Variants in KLF12 observed in about 807,000 individuals in gnomAD.
KLF12 encodes the protein KLF transcription factor 12.
In KLF12, 9 loss-of-function variants were observed where a neutral mutation model predicts 37.8. That is an observed-to-expected ratio of 0.24 (90% CI 0.14 to 0.42). The LOEUF (loss-of-function observed/expected upper bound fraction) is 0.42, where lower values mean the gene tolerates loss of function less well. KLF12 is among the 10% of genes least tolerant of loss of function. KLF12 has a pLI of 1.00. For synonymous variants in KLF12, 208 were observed against 202.1 expected (o/e 1.03, Z -0.25); for missense variants, 411 against 516.0 (o/e 0.80, Z 1.97).
At chr13:74,139,919 T>C in the KLF12 span, among the ~76,000 whole-genome samples, 1 of 152,064 alleles carries the variant, frequency 6.6e-6, no homozygotes, top group Non-Finnish European at 1.5e-5. Context: ...AATAATTTAA[T>C]TCCACTAAAG....
chr13:74,014,610 G>A (rs114713792), intron 1 of KLF12, among the ~76,000 whole-genome samples: 6,467 of 152,218 alleles, frequency 0.042, 227 homozygotes, highest in African/African-American at 0.092. Flanking sequence ...GTATTTAACA[G>A]GTATATTTAA....
intron 2 of KLF12, among the ~76,000 whole-genome samples, chr13:73,980,743 T>C (rs1891669662): frequency 6.6e-6 from 1 of 152,116 alleles, no homozygotes; most frequent in Non-Finnish European, 1.5e-5. Flanking sequence ...AATAACAAAA[T>C]GCAATTAAAA....
At chr13:74,293,389 G>A in the KLF12 span, among the ~76,000 whole-genome samples, 2 of 152,042 alleles carry the variant, frequency 1.3e-5, no homozygotes, top group African/African-American at 4.8e-5. Context: ...GGGTACAATC[G>A]AGGGACTGAA....
intron 5 of KLF12, among the ~76,000 whole-genome samples, chr13:73,771,808 A>T (rs1029344643): frequency 6.6e-6 from 1 of 152,250 alleles, no homozygotes; most frequent in African/African-American, 2.4e-5. Flanking sequence ...CAAACTGTGA[A>T]ATACCAGAGA....
chr13:73,900,973 C>T, intron 3 of KLF12, among the ~76,000 whole-genome samples: 1 of 152,260 alleles, frequency 6.6e-6, no homozygotes, highest in Non-Finnish European at 1.5e-5. Flanking sequence ...CCTTTGGAAA[C>T]CACTTCCAGG....
At chr13:73,985,402 AC>A (rs1891801961) in intron 2 of KLF12, among the ~76,000 whole-genome samples, 1 of 152,162 alleles carries the variant, frequency 6.6e-6, no homozygotes, top group East Asian at 1.9e-4. Context: ...AGGAACACCT[AC>A]CCTTCAATTT....
intron 5 of KLF12, among the ~76,000 whole-genome samples, chr13:73,790,606 G>A (rs1881629954): frequency 6.6e-6 from 1 of 152,220 alleles, no homozygotes; most frequent in Admixed American, 6.5e-5. Flanking sequence ...TCTATCTGCT[G>A]CATGCAGTGT....
intron 6 of KLF12, among the ~76,000 whole-genome samples, chr13:73,735,290 C>A (rs1023975174): frequency 5.3e-5 from 8 of 152,010 alleles, no homozygotes; most frequent in Non-Finnish European, 2.9e-5. Context: ...AGGGCAAGAC[C>A]CTGTCTCAAA....
intron 1 of KLF12, among the ~76,000 whole-genome samples, chr13:74,078,737 T>C (rs1250092306): frequency 6.6e-6 from 1 of 152,234 alleles, no homozygotes; most frequent in Non-Finnish European, 1.5e-5. Flanking sequence ...TGATTAATGA[T>C]ACCAAATAAC....
chr13:73,897,894 G>A (rs866158296), intron 3 of KLF12, among the ~76,000 whole-genome samples: 5 of 152,096 alleles, frequency 3.3e-5, no homozygotes, highest in Admixed American at 1.3e-4. Context: ...TGTGGTTTCT[G>A]TTTATTCCTC....
At chr13:73,773,011 T>C (rs1284717869) in intron 5 of KLF12, among the ~76,000 whole-genome samples, 1 of 152,086 alleles carries the variant, frequency 6.6e-6, no homozygotes, top group African/African-American at 2.4e-5. Flanking sequence ...AGGGTTCTGA[T>C]GTGGGTAATC....
At chr13:74,021,799 A>C (rs1232044585) in intron 1 of KLF12, among the ~76,000 whole-genome samples, 1 of 152,250 alleles carries the variant, frequency 6.6e-6, no homozygotes, top group Non-Finnish European at 1.5e-5. Flanking sequence ...ATTGATAAGC[A>C]AATTAAATAA....
chr13:73,940,980 T>C (rs1346930123), intron 3 of KLF12, among the ~76,000 whole-genome samples: 1 of 152,214 alleles, frequency 6.6e-6, no homozygotes, highest in Non-Finnish European at 1.5e-5. Flanking sequence ...AACAACTACA[T>C]GCCTTTCTGG....
the KLF12 span, among the ~76,000 whole-genome samples, chr13:74,174,201 T>C: frequency 6.6e-6 from 1 of 152,200 alleles, no homozygotes; most frequent in Admixed American, 6.5e-5. Flanking sequence ...GAAATGACTT[T>C]ATAAAAATTG....
upstream of KLF12, among the ~76,000 whole-genome samples, chr13:74,138,129 A>G (rs1878612441): frequency 6.6e-6 from 1 of 152,250 alleles, no homozygotes; most frequent in Non-Finnish European, 1.5e-5. Context: ...AACTCTGTTC[A>G]ATATCTGTGT....
At chr13:73,834,684 G>A (rs1437144801) in intron 4 of KLF12, among the ~76,000 whole-genome samples, 1 of 152,038 alleles carries the variant, frequency 6.6e-6, no homozygotes. Flanking sequence ...GCTAATTTTT[G>A]TATTCTTCGT....
chr13:73,902,902 C>G (rs1468518697), intron 3 of KLF12, among the ~76,000 whole-genome samples: 1 of 152,218 alleles, frequency 6.6e-6, no homozygotes, highest in Non-Finnish European at 1.5e-5. Flanking sequence ...TGTCCAGCAA[C>G]ATGACCCTGA....
intron 3 of KLF12, among the ~76,000 whole-genome samples, chr13:73,887,265 A>G (rs554045747): frequency 6.6e-6 from 1 of 152,366 alleles, no homozygotes; most frequent in Non-Finnish European, 1.5e-5. Context: ...AAAGAGAATT[A>G]AAAGATGATA....
chr13:74,000,895 T>C (rs58000261), intron 1 of KLF12, among the ~76,000 whole-genome samples: 6,517 of 152,316 alleles, frequency 0.043, 193 homozygotes, highest in African/African-American at 0.079. Flanking sequence ...AAGTAATTTA[T>C]GCTATGCTCA....
Sources: allele counts gnomAD v4.1 joint callset (sites outside exome capture counted in the v4.1 genomes callset), GRCh38; gene constraint gnomAD v4.1.1; transcripts MANE v1.5; gene names NCBI Gene and HGNC (gene_info 2026-07-23, HGNC 2026-07-21).